LIN54: variants seen among roughly 807,000 people sequenced by gnomAD.
The protein encoded by LIN54 is lin-54 DREAM MuvB core complex component, also known as protein lin-54 homolog.
Under a neutral mutation model 78.7 loss-of-function variants are expected in LIN54, and 9 were observed. The observed-to-expected ratio is 0.11, with a 90% CI of 0.07 to 0.20. The LOEUF is 0.20. Ranked by LOEUF, LIN54 falls within the 10% of genes least tolerant of loss-of-function variation. The probability of loss-of-function intolerance (pLI) is 1.00; values close to 1 mark genes in which losing one functional copy is unlikely to be tolerated. For missense variants in LIN54, 573 were observed against 889.9 expected (o/e 0.64, Z 4.53); for synonymous variants, 269 against 318.4 (o/e 0.84, Z 1.65).
chr4:82,935,907 C>A, intron 11 of LIN54, 74 bp downstream of exon 11: 1 of 1,439,294 alleles, frequency 6.9e-7, no homozygotes, highest in South Asian at 1.2e-5. Flanking sequence ...TCCCAATTTT[C>A]AAGTAAATTT....
intron 4 of LIN54, among the ~76,000 whole-genome samples, chr4:82,962,700 A>G (rs1351746170): frequency 1.3e-5 from 2 of 152,072 alleles, no homozygotes; most frequent in African/African-American, 4.8e-5. Flanking sequence ...CAAATGAAGA[A>G]GTCTTTAATA....
rs199656446 is a variant in LIN54, at chr4:82,995,306, GA to G, written c.-32-10431del. Among the ~76,000 whole-genome samples the G allele has an allele frequency of 5.3e-3, 798 of 150,908 alleles. 17 individuals carry two copies. The highest frequency in any genetic ancestry group is 0.018 in the African/African-American group (747 of 41,204). ...CTGGGTAAGATCCTGTCTCTGGGGGGAAAAAAATTAATTTAATTTAATTTTA... is the reference window on the plus strand; with the variant it reads ...CTGGGTAAGATCCTGTCTCTGGGGGGAAAAAATTAATTTAATTTAATTTTA... On this transcript the variant is annotated intron_variant, in intron 1 of 12. Coordinates refer to ENST00000340417, the MANE Select transcript of LIN54 (RefSeq NM_194282.4).
intron 1 of LIN54, among the ~76,000 whole-genome samples, chr4:82,992,201 G>A (rs1727778626): frequency 6.6e-6 from 1 of 152,122 alleles, no homozygotes; most frequent in Non-Finnish European, 1.5e-5. Context: ...TTGTGTCTTT[G>A]AAGGAATTTG....
intron 4 of LIN54, among the ~76,000 whole-genome samples, chr4:82,953,933 C>T (rs574864910): frequency 6.6e-6 from 1 of 151,966 alleles, no homozygotes; most frequent in Admixed American, 6.6e-5. Flanking sequence ...GAGCAAGACC[C>T]CGTCTCAAAA....
chr4:83,012,004 A>T (rs555462634), upstream of LIN54: 2 of 984,774 alleles, frequency 2.0e-6, no homozygotes, highest in Non-Finnish European at 2.4e-6. Flanking sequence ...TGAAAAAGTC[A>T]TTTCATTTCC....
At position 82,935,267 on chromosome 4, in the gene LIN54, T is replaced by TATATATATTTATATATTTATA. The variant is rs1011168835; in HGVS notation, c.1845+693_1845+713dup. On this transcript the variant is annotated intron_variant, in intron 11 of 12. Coordinates refer to ENST00000340417, the MANE Select transcript of LIN54 (RefSeq NM_194282.4). ...GCAGGCTATTTTGTATCCATATATA[T>TATATATATTTATATATTTATA]ATATATATTTATATATTTATAATAT... Among the ~76,000 whole-genome samples, 6 of 147,940 alleles carry TATATATATTTATATATTTATA rather than the reference T, an allele frequency of 4.1e-5. No individual in the cohort carries two copies. The East Asian group carries it at 5.9e-4, about 14-fold the overall frequency.
rs1193916996 is a variant in LIN54, at chr4:82,924,616, A to T, written c.*3486T>A. ...GCTGTCACAAAATTTGCCATTTAGA[A>T]GGAAATTTTTAATTAAAAAAAACCT... is the stretch of plus-strand genomic sequence containing the variant. On this transcript the variant is annotated 3_prime_UTR_variant, in exon 13 of 13. Coordinates refer to ENST00000340417, the MANE Select transcript of LIN54 (RefSeq NM_194282.4). 1.3e-5 allele frequency: 2 copies of T among 152,178 alleles called. No individual in the cohort carries two copies. Among genetic ancestry groups the T allele is most frequent in the Non-Finnish European group, 2.9e-5 (2 of 68,038 alleles). The allele number at this position is 152,178 out of a possible 1,614,324, so 9.4% of individuals were successfully genotyped here.
intron 1 of LIN54, among the ~76,000 whole-genome samples, chr4:83,006,902 G>A (rs1009724521): frequency 1.3e-5 from 2 of 152,230 alleles, no homozygotes; most frequent in Non-Finnish European, 2.9e-5. Flanking sequence ...TACTTTGGGA[G>A]GCTGAGGTTG....
intron 1 of LIN54, among the ~76,000 whole-genome samples, chr4:82,997,836 A>G (rs1728347573): frequency 6.6e-6 from 1 of 151,500 alleles, no homozygotes; most frequent in African/African-American, 2.4e-5. Context: ...CTGCAAAAAT[A>G]CAAAAAAATT....
intron 4 of LIN54, among the ~76,000 whole-genome samples, chr4:82,950,657 AATAGCT>A (rs1341449029): frequency 6.6e-6 from 1 of 152,236 alleles, no homozygotes; most frequent in African/African-American, 2.4e-5. Context: ...TTAGATTCAA[AATAGCT>A]ATGTTTAACA....
chr4:82,938,619 G>T lies in LIN54; in HGVS notation c.1441-115C>A, dbSNP rs572063809. On this transcript the variant is annotated intron_variant, in intron 7 of 12. Coordinates refer to ENST00000340417, the MANE Select transcript of LIN54 (RefSeq NM_194282.4). Reference sequence around the variant, plus strand: ...CCATTAAGATAAGAAAAACACAATGGAGAATATCACACAAACACATACTTC... The same window carrying T: ...CCATTAAGATAAGAAAAACACAATGTAGAATATCACACAAACACATACTTC... The T allele has an allele frequency of 2.5e-5, 16 of 635,358 alleles. No individual in the cohort carries two copies. In the Admixed American group the frequency reaches 4.4e-4, roughly 17 times the overall value. 39.4% of individuals were successfully genotyped at this position (635,358 alleles called of 1,614,324 possible).
chr4:82,954,227 C>T (rs992654704), intron 4 of LIN54, among the ~76,000 whole-genome samples: 3 of 151,702 alleles, frequency 2.0e-5, no homozygotes, highest in Non-Finnish European at 4.4e-5. Context: ...GAACAAACCA[C>T]AGAGAAAAAT....
rs1207992875 is a variant in LIN54 at position 82,947,207 on chromosome 4, TTATATA to T, written c.952-739_952-734del. On this transcript the variant is annotated intron_variant, in intron 4 of 12. Transcript: ENST00000340417. ...TGTATTCCCTGAGTCAAAAAAAAAT[TTATATA>T]TATATATATATATATATATATATTT... Among the ~76,000 whole-genome samples, 15 of 76,220 alleles carry T rather than the reference TTATATA, an allele frequency of 2.0e-4. 3 individuals are homozygous for T. Among genetic ancestry groups the T allele is most frequent in the Non-Finnish European group, 2.5e-4 (11 of 44,660 alleles). 50.0% of individuals were successfully genotyped at this position (76,220 alleles called of 152,430 possible). A position where few individuals can be genotyped will look rare whatever the true frequency, so the allele number is the denominator to read the frequency against.
At chr4:83,005,732 G>A (rs1729301149) in intron 1 of LIN54, among the ~76,000 whole-genome samples, 1 of 152,144 alleles carries the variant, frequency 6.6e-6, no homozygotes, top group South Asian at 2.1e-4. Flanking sequence ...AAGCATCTTA[G>A]TGATTTCTAA....
rs1380416127 is a variant in LIN54, at chr4:82,931,085, G to A, written c.1906C>T (p.Pro636Ser). The change falls in exon 12 of 13, where the codon CCG becomes TCG. Residue 636 changes from proline to serine, a missense_variant. Around this residue, in one of 6 missense-constraint regions of LIN54, gnomAD observed 82 missense variants for 140.8 expected, o/e 0.58. Transcript: ENST00000340417. The part of the protein sequence containing the change: ...CIGCKNFEES[P>S]ERKTLMHLAD... ...AAATGCATCAATGTCTTCCTTTCCG[G>A]GCTTTCTTCAAAATTCTTACAGCCA... The A allele has an allele frequency of 6.2e-7, 1 of 1,614,004 alleles. No homozygotes were observed. The highest frequency in any genetic ancestry group is 1.1e-5 in the South Asian group (1 of 91,076).
chr4:82,963,502 A>G (rs1724966160), intron 4 of LIN54, among the ~76,000 whole-genome samples: 1 of 152,178 alleles, frequency 6.6e-6, no homozygotes. Flanking sequence ...CTAAAACAGT[A>G]AAATGGGTTA....
intron 1 of LIN54, among the ~76,000 whole-genome samples, chr4:82,999,120 T>C (rs1728514381): frequency 6.6e-6 from 1 of 152,198 alleles, no homozygotes; most frequent in Non-Finnish European, 1.5e-5. Context: ...CTCCTTCCAG[T>C]AAATTGTGTA....
intron 4 of LIN54, among the ~76,000 whole-genome samples, chr4:82,947,228 TA>T (rs1205205504): frequency 8.0e-4 from 27 of 33,838 alleles, no homozygotes; most frequent in African/African-American, 2.1e-3. Flanking sequence ...TATATATATA[TA>T]TATATATTTT....
At chr4:82,978,602 T>G (rs111577707) in intron 3 of LIN54, among the ~76,000 whole-genome samples, 1 of 152,164 alleles carries the variant, frequency 6.6e-6, no homozygotes. Flanking sequence ...GAATGGTGCC[T>G]AGCACACAGT....
Sources: gnomAD v4.1 joint callset for allele counts (sites outside exome capture counted in the v4.1 genomes callset) on GRCh38, gnomAD v4.1.1 for gene constraint, gnomAD v4.1.1 regional missense constraint, MANE v1.5 for transcripts, NCBI Gene and HGNC (gene_info 2026-07-23, HGNC 2026-07-21) for gene names.